Variants in RNF144B observed in about 807,000 individuals in gnomAD.
RNF144B encodes the protein ring finger protein 144B, also known as E3 ubiquitin-protein ligase RNF144B.
Under a neutral mutation model 40.2 loss-of-function variants are expected in RNF144B, and 25 were observed. The observed-to-expected ratio is 0.62, with a 90% CI of 0.45 to 0.87. The LOEUF is 0.87. Ranked by LOEUF, RNF144B falls within the 40% of genes least tolerant of loss-of-function variation. The pLI is 0.00. For synonymous variants in RNF144B, 145 were observed against 136.3 expected (o/e 1.06, Z -0.44); for missense variants, 365 against 373.7 (o/e 0.98, Z 0.19).
rs1178041254 is a variant in RNF144B at position 18,448,555 on chromosome 6, C to T, written c.332-8600C>T. On this transcript the variant is annotated intron_variant, in intron 4 of 7. Coordinates refer to ENST00000259939, the MANE Select transcript of RNF144B (RefSeq NM_182757.4). The surrounding 1 kb of genome is among the most constrained non-coding windows in gnomAD (Gnocchi z 4.0). ...ATTGAACGTGAAGTTTACAAGATAC[C>T]TCCCAGGTTGCATCCATTCATAAAT... is the stretch of plus-strand genomic sequence containing the variant. Among the ~76,000 whole-genome samples the T allele has an allele frequency of 6.6e-6, 1 of 151,982 alleles. No individual in the cohort carries two copies. The highest frequency in any genetic ancestry group is 2.4e-5 in the African/African-American group (1 of 41,370).
chr6:18,430,102 G>A (rs891852296), intron 3 of RNF144B, among the ~76,000 whole-genome samples: 6 of 152,154 alleles, frequency 3.9e-5, no homozygotes, highest in African/African-American at 1.2e-4. Flanking sequence ...TCGGATTCCT[G>A]TATTCTAGAC....
chr6:18,415,331 G>T (rs1425664776), intron 2 of RNF144B, among the ~76,000 whole-genome samples: 1 of 152,154 alleles, frequency 6.6e-6, no homozygotes, highest in African/African-American at 2.4e-5. Context: ...CTGAAGGCTG[G>T]AAAGTCCAAT....
In RNF144B at chr6:18,442,865, A is replaced by G. The variant is rs911960420; in HGVS notation, c.331+3121A>G. On this transcript the variant is annotated intron_variant, in intron 4 of 7. Transcript: ENST00000259939. This position sits in a 1 kb window ranked among gnomAD's most constrained non-coding sequence, Gnocchi z 4.3. ...AAGTTCCATTCCTGTAGTAGCAGGT[A>G]TAAGAATTTCATTTTTTAAGGCTGA... is the stretch of plus-strand genomic sequence containing the variant. 2.0e-5 allele frequency among the ~76,000 whole-genome samples: 3 copies of G among 152,234 alleles called. No homozygotes were observed. Among genetic ancestry groups the G allele is most frequent in the Non-Finnish European group, 4.4e-5 (3 of 68,040 alleles).
Position 18,434,789 on chromosome 6 carries a change from T to A in RNF144B, c.271-4895T>A, listed in dbSNP as rs944497914. Among the ~76,000 whole-genome samples, 1 of 152,044 alleles carries A rather than the reference T, an allele frequency of 6.6e-6. No individual in the cohort carries two copies. The highest frequency in any genetic ancestry group is 2.4e-5 in the African/African-American group (1 of 41,408). On this transcript the variant is annotated intron_variant, in intron 3 of 7. Coordinates refer to ENST00000259939, the MANE Select transcript of RNF144B (RefSeq NM_182757.4). The surrounding 1 kb of genome is among the most constrained non-coding windows in gnomAD (Gnocchi z 4.1). ...GGCGCCTGCTACCACGCCCAGCTAA[T>A]TTTTTGTATTTTTAGTAGAGATGGG...
intron 1 of RNF144B, among the ~76,000 whole-genome samples, chr6:18,387,987 C>G (rs1310614232): frequency 6.6e-6 from 1 of 152,238 alleles, no homozygotes; most frequent in Admixed American, 6.5e-5. Flanking sequence ...CAGGTAATTG[C>G]TAATGAAACA....
rs1424048693 is a variant in RNF144B, at chr6:18,405,105, G to A, written c.165+5406G>A. Among the ~76,000 whole-genome samples, 1 of 151,362 alleles carries A rather than the reference G, an allele frequency of 6.6e-6. No individual in the cohort carries two copies. The highest frequency in any genetic ancestry group is 2.4e-5 in the African/African-American group (1 of 41,178). ...TTCAAAGCACTGTATTATTCTGTTG[G>A]TTTCTGGTACCTAAATATGCTTGCT... On this transcript the variant is annotated intron_variant, in intron 2 of 7. Coordinates refer to ENST00000259939, the MANE Select transcript of RNF144B (RefSeq NM_182757.4). This position sits in a 1 kb window ranked among gnomAD's most constrained non-coding sequence, Gnocchi z 4.5.
rs1056696639 is a variant in RNF144B, at chr6:18,405,400, C to T, written c.165+5701C>T. On this transcript the variant is annotated intron_variant, in intron 2 of 7. Coordinates refer to ENST00000259939, the MANE Select transcript of RNF144B (RefSeq NM_182757.4). The surrounding 1 kb of genome is among the most constrained non-coding windows in gnomAD (Gnocchi z 4.5). ...CTATGTAGGTCAGGCTGGTCTTGAA[C>T]TCCTGACCTCGTGATCCACCTGCCT... 2.6e-5 allele frequency among the ~76,000 whole-genome samples: 4 copies of T among 152,026 alleles called. No homozygotes were observed. The highest frequency in any genetic ancestry group is 4.8e-5 in the African/African-American group (2 of 41,390).
chr6:18,457,017 T>C lies in RNF144B; in HGVS notation c.332-138T>C. The C allele has an allele frequency of 1.4e-6, 1 of 739,908 alleles. No individual in the cohort carries two copies. The highest frequency in any genetic ancestry group is 4.0e-4 in the Middle Eastern group (1 of 2,518). 45.8% of individuals were successfully genotyped at this position (739,908 alleles called of 1,614,324 possible). ...GGGAGGTTGCAGTGAGCTGAAATCA[T>C]GCCACTGTACTCCAGCCTGGGCGAC... On this transcript the variant is annotated intron_variant, in intron 4 of 7. Transcript: ENST00000259939. The surrounding 1 kb of genome is among the most constrained non-coding windows in gnomAD (Gnocchi z 5.1).
In RNF144B at chr6:18,450,209, C is replaced by T. The variant is rs1427194004; in HGVS notation, c.332-6946C>T. On this transcript the variant is annotated intron_variant, in intron 4 of 7. Transcript: ENST00000259939. This position sits in a 1 kb window ranked among gnomAD's most constrained non-coding sequence, Gnocchi z 4.7. ...TATTAATGTATTGATATGTTTACTTCCAATTCATTACTTTCATGGCCTGTG... is the reference window on the plus strand; with the variant it reads ...TATTAATGTATTGATATGTTTACTTTCAATTCATTACTTTCATGGCCTGTG... Among the ~76,000 whole-genome samples, 1 of 151,992 alleles carries T rather than the reference C, an allele frequency of 6.6e-6. No individual in the cohort carries two copies. The highest frequency in any genetic ancestry group is 1.5e-5 in the Non-Finnish European group (1 of 68,024).
intron 4 of RNF144B, among the ~76,000 whole-genome samples, chr6:18,449,098 A>T (rs560805462): frequency 2.0e-5 from 3 of 152,306 alleles, no homozygotes; most frequent in Non-Finnish European, 4.4e-5. Flanking sequence ...TCCTATGATA[A>T]CCCTAGCTGG....
intron 4 of RNF144B, among the ~76,000 whole-genome samples, chr6:18,453,209 G>T (rs1759251093): frequency 7.0e-6 from 1 of 142,198 alleles, no homozygotes; most frequent in African/African-American, 2.6e-5. Context: ...CACGATCTTG[G>T]TTCACTGCAA....
intron 1 of RNF144B, among the ~76,000 whole-genome samples, chr6:18,393,081 A>T (rs1794618386): frequency 6.6e-6 from 1 of 150,716 alleles, no homozygotes; most frequent in African/African-American, 2.4e-5. Context: ...AGATCGCGCC[A>T]CTGCACTCCA....
rs959347122 is a variant in RNF144B at position 18,448,678 on chromosome 6, A to C, written c.332-8477A>C. On this transcript the variant is annotated intron_variant, in intron 4 of 7. Transcript: ENST00000259939. The surrounding 1 kb of genome is among the most constrained non-coding windows in gnomAD (Gnocchi z 4.0). ...GAATAATAAATCCATTTTATTTTGA[A>C]AGCCAGCATGCACACACACACACAC... is the stretch of plus-strand genomic sequence containing the variant. Among the ~76,000 whole-genome samples the C allele has an allele frequency of 1.6e-5, 2 of 128,910 alleles. No individual in the cohort carries two copies. The highest frequency in any genetic ancestry group is 2.8e-5 in the African/African-American group (1 of 35,214). 84.6% of individuals were successfully genotyped at this position (128,910 alleles called of 152,430 possible). A position where few individuals can be genotyped will look rare whatever the true frequency, so the allele number is the denominator to read the frequency against.
chr6:18,459,599 GT>G lies in RNF144B; in HGVS notation c.537-5del, dbSNP rs1262836115. 6.2e-7 allele frequency: 1 copy of G among 1,611,748 alleles called. No homozygotes were observed. The highest frequency in any genetic ancestry group is 8.5e-7 in the Non-Finnish European group (1 of 1,178,644). ...CTGAATGCCATTTCTCATCCATTTT[GT>G]TTCTAGAGCCCTCTTTGGGACAGAT... On this transcript the variant is annotated splice_region_variant and splice_polypyrimidine_tract_variant and intron_variant, in intron 5 of 7. Transcript: ENST00000259939. This position sits in a 1 kb window ranked among gnomAD's most constrained non-coding sequence, Gnocchi z 4.2.
In RNF144B at chr6:18,464,734, C is replaced by T. The variant is rs1029583091; in HGVS notation, c.772-193C>T. 6.6e-6 allele frequency among the ~76,000 whole-genome samples: 1 copy of T among 152,108 alleles called. No individual in the cohort carries two copies. Among genetic ancestry groups the T allele is most frequent in the African/African-American group, 2.4e-5 (1 of 41,428 alleles). ...AGAGCACCAATCCCATCATGAGGGCCCTGCCCTCATAAACCAACTAACTTC... is the reference window on the plus strand; with the variant it reads ...AGAGCACCAATCCCATCATGAGGGCTCTGCCCTCATAAACCAACTAACTTC... On this transcript the variant is annotated intron_variant, in intron 7 of 7. Coordinates refer to ENST00000259939, the MANE Select transcript of RNF144B (RefSeq NM_182757.4). The surrounding 1 kb of genome is among the most constrained non-coding windows in gnomAD (Gnocchi z 6.1).
In RNF144B at chr6:18,457,440, C is replaced by A; in HGVS notation, c.536+81C>A. On this transcript the variant is annotated intron_variant, in intron 5 of 7. Coordinates refer to ENST00000259939, the MANE Select transcript of RNF144B (RefSeq NM_182757.4). This position sits in a 1 kb window ranked among gnomAD's most constrained non-coding sequence, Gnocchi z 5.1. ...CATACCTTACGTGTAGAAGGAGTTA[C>A]GTTGTGATGGCGTTTAGAGATTGGT... 9.5e-7 allele frequency: 1 copy of A among 1,056,368 alleles called. No homozygotes were observed. Among genetic ancestry groups the A allele is most frequent in the Non-Finnish European group, 1.5e-6 (1 of 676,430 alleles). 65.4% of individuals were successfully genotyped at this position (1,056,368 alleles called of 1,614,324 possible). A position where few individuals can be genotyped will look rare whatever the true frequency, so the allele number is the denominator to read the frequency against.
At chr6:18,432,420 C>T (rs989036627) in intron 3 of RNF144B, among the ~76,000 whole-genome samples, 12 of 152,202 alleles carry the variant, frequency 7.9e-5, no homozygotes, top group African/African-American at 2.2e-4. Flanking sequence ...GTAAAACTTT[C>T]CTCTATTGCA....
chr6:18,429,282 G>A (rs1446350665), intron 3 of RNF144B, among the ~76,000 whole-genome samples: 1 of 152,070 alleles, frequency 6.6e-6, no homozygotes, highest in Admixed American at 6.6e-5. Flanking sequence ...AGCTCAATTT[G>A]TGTGTGTGTG....
rs1161623040 is a variant in RNF144B at position 18,456,932 on chromosome 6, C to T, written c.332-223C>T. ...CAAAAATGAGCCAGGCGTGATGGTG[C>T]GCACCTGTAGTCCCAGCTACTCGGG... On this transcript the variant is annotated intron_variant, in intron 4 of 7. Transcript: ENST00000259939. The surrounding 1 kb of genome is among the most constrained non-coding windows in gnomAD (Gnocchi z 4.7). 5.3e-5 allele frequency among the ~76,000 whole-genome samples: 8 copies of T among 152,174 alleles called. No homozygotes were observed. The highest frequency in any genetic ancestry group is 3.4e-3 in the Middle Eastern group (1 of 292).
Sources: allele counts gnomAD v4.1 joint callset (sites outside exome capture counted in the v4.1 genomes callset), GRCh38; gene constraint gnomAD v4.1.1; non-coding constraint Gnocchi (gnomAD v3.1); transcripts MANE v1.5; gene names NCBI Gene and HGNC (gene_info 2026-07-23, HGNC 2026-07-21).